Variants in OSBPL5 observed in about 807,000 individuals in gnomAD.
OSBPL5 encodes the protein oxysterol binding protein like 5.
In OSBPL5, 71 loss-of-function variants were observed where a neutral mutation model predicts 111.2. That is an observed-to-expected ratio of 0.64 (90% confidence interval 0.53 to 0.78). The LOEUF (loss-of-function observed/expected upper bound fraction) is 0.78. Ranked by LOEUF, OSBPL5 falls within the 30% of genes least tolerant of loss-of-function variation. OSBPL5 has a pLI of 0.00. For synonymous variants in OSBPL5, 549 were observed against 513.9 expected (o/e 1.07, Z -0.93); for missense variants, 1,210 against 1,189.3 (o/e 1.02, Z -0.26).
chr11:3,131,705 T>TCCATCCAC (rs1554902696), intron 1 of OSBPL5, among the ~76,000 whole-genome samples: 68 of 119,162 alleles, frequency 5.7e-4, no homozygotes, highest in Non-Finnish European at 8.0e-4. Context: ...CATCTATCCA[T>TCCATCCAC]CCATCCATCC....
At chr11:3,122,581 C>T (rs1404525366) in intron 3 of OSBPL5, among the ~76,000 whole-genome samples, 153 bp from the exon 4 acceptor site, 1 of 152,186 alleles carries the variant, frequency 6.6e-6, no homozygotes. Context: ...CCCCCACCAG[C>T]ACTTCCGGGG....
Position 3,120,456 on chromosome 11 carries a change from A to G in OSBPL5, c.571T>C (p.Phe191Leu). 1 of 1,613,278 alleles carries G rather than the reference A, an allele frequency of 6.2e-7. No homozygotes were observed. Among genetic ancestry groups the G allele is most frequent in the Non-Finnish European group, 8.5e-7 (1 of 1,180,002 alleles). Residue 191 changes from phenylalanine to leucine, a missense_variant, in exon 6 of 22, where the codon TTC becomes CTC. Coordinates refer to ENST00000263650, the MANE Select transcript of OSBPL5 (RefSeq NM_020896.4). ...SKKDGFCFKL[F>L]HPLDQSVWAV... Reference sequence around the variant, plus strand: ...CAGACGGACTGATCCAGCGGGTGGAAGAGCTTGAAGCAGAAGCCGTCCTTC... The same window carrying G: ...CAGACGGACTGATCCAGCGGGTGGAGGAGCTTGAAGCAGAAGCCGTCCTTC...
At chr11:3,111,239 A>G (rs1857915448) in intron 7 of OSBPL5, among the ~76,000 whole-genome samples, 1 of 143,178 alleles carries the variant, frequency 7.0e-6, no homozygotes, top group Admixed American at 7.5e-5. Flanking sequence ...CTCTTTTTGG[A>G]GTTTTACTTG....
chr11:3,134,132 CA>C (rs1196169850), intron 1 of OSBPL5, among the ~76,000 whole-genome samples: 1 of 152,218 alleles, frequency 6.6e-6, no homozygotes, highest in African/African-American at 2.4e-5. Flanking sequence ...AAGTCAGCCA[CA>C]ACCCTCTTCT....
chr11:3,122,873 G>A (rs1308062667), intron 3 of OSBPL5, among the ~76,000 whole-genome samples: 11 of 152,308 alleles, frequency 7.2e-5, no homozygotes, highest in East Asian at 3.9e-4. Flanking sequence ...GCTCGGCGGC[G>A]GCCATGAGAT....
chr11:3,120,504 C>G lies in OSBPL5; in HGVS notation c.523G>C (p.Glu175Gln), dbSNP rs34183743. 4 of 1,613,224 alleles carry G rather than the reference C, an allele frequency of 2.5e-6. No individual in the cohort carries two copies. The highest frequency in any genetic ancestry group is 1.6e-4 in the Middle Eastern group (1 of 6,084). ...TTCTTGGAGGGCCGCTCGATGAGCT[C>G]GCAGCAGTGCAGCAGCACCGTGCCC... ...WVGTVLLHCC[E>Q]LIERPSKKDG... is the part of the protein sequence containing the mutation. The change falls in exon 6 of 22, where the codon GAG (glutamate) becomes CAG (glutamine). Residue 175 changes from glutamate to glutamine, a missense_variant. Glu to Gln is a conservative substitution (Grantham distance 29, BLOSUM62 2). Coordinates refer to ENST00000263650, the MANE Select transcript of OSBPL5 (RefSeq NM_020896.4).
rs1361333777 is a variant in OSBPL5, at chr11:3,122,022, A to G, written c.377T>C (p.Val126Ala). Residue 126 changes from valine (V) to alanine (A), a missense_variant, in exon 5 of 22, where the codon GTG becomes GCG. Val to Ala is a moderately conservative substitution (Grantham distance 64). Transcript: ENST00000263650. ...CTTCAGGCTGTCAGCCATGATGACCACGCTGGGGTCTGTCAGAGCGCTGAG... is the reference window on the plus strand; with the variant it reads ...CTTCAGGCTGTCAGCCATGATGACCGCGCTGGGGTCTGTCAGAGCGCTGAG... ...QLLSALTDPS[V>A]VIMADSLKIR... The G allele has an allele frequency of 6.3e-7, 1 of 1,577,690 alleles. No individual in the cohort carries two copies. Among genetic ancestry groups the G allele is most frequent in the Non-Finnish European group, 8.6e-7 (1 of 1,165,914 alleles).
Position 3,113,029 on chromosome 11 carries a change from C to T in OSBPL5, c.692-5084G>A, listed in dbSNP as rs183094137. 1.5e-3 allele frequency among the ~76,000 whole-genome samples: 222 copies of T among 152,120 alleles called. 1 individual carries two copies. The highest frequency in any genetic ancestry group is 3.1e-3 in the African/African-American group (128 of 41,486). On this transcript the variant is annotated intron_variant, in intron 7 of 21. Transcript: ENST00000263650. This position sits in a 1 kb window ranked among gnomAD's most constrained non-coding sequence, Gnocchi z 4.8. ...CTAATATGTCTATGTATTTATGTGTCGTGTACACAATGTTTCACTACTGAA... is the reference window on the plus strand; with the variant it reads ...CTAATATGTCTATGTATTTATGTGTTGTGTACACAATGTTTCACTACTGAA...
intron 3 of OSBPL5, among the ~76,000 whole-genome samples, chr11:3,125,308 T>C (rs1197708865): frequency 6.6e-6 from 1 of 152,114 alleles, no homozygotes; most frequent in Non-Finnish European, 1.5e-5. Flanking sequence ...GGACCTAGTA[T>C]CCAAAATGCA....
intron 1 of OSBPL5, among the ~76,000 whole-genome samples, chr11:3,164,994 C>A (rs1278395242): frequency 1.3e-5 from 2 of 151,278 alleles, no homozygotes; most frequent in African/African-American, 4.8e-5. Flanking sequence ...CCCAGGCTCC[C>A]GCGCTCCCCA....
chr11:3,093,075 G>T (rs1215018126), intron 17 of OSBPL5, 23 bp from the exon 18 acceptor site: 1 of 1,529,296 alleles, frequency 6.5e-7, no homozygotes, highest in South Asian at 1.2e-5. Flanking sequence ...GACCCATCCT[G>T]AGCCAGTGGC....
rs115874192 is a variant in OSBPL5 at position 3,140,161 on chromosome 11, C to A, written c.-21-10992G>T. Among the ~76,000 whole-genome samples the A allele has an allele frequency of 6.6e-6, 1 of 152,218 alleles. No individual in the cohort carries two copies. The highest frequency in any genetic ancestry group is 2.4e-5 in the African/African-American group (1 of 41,452). ...GTCCCCCAAATTGCAGCCACCATCT[C>A]GGGCTGTATTAACAGAGGTTGAGTC... On this transcript the variant is annotated intron_variant, in intron 1 of 21. Transcript: ENST00000263650. This position sits in a 1 kb window ranked among gnomAD's most constrained non-coding sequence, Gnocchi z 4.5.
Position 3,088,053 on chromosome 11 carries a change from C to CT in OSBPL5, c.*151_*152insA. ...GGGCCCAGCACACCTGGGCCCGCAG[C>CT]GCCTTGTGGCCCCGGGTCCCTCCTG... is the stretch of plus-strand genomic sequence containing the variant. On this transcript the variant is annotated 3_prime_UTR_variant, in exon 22 of 22. Coordinates refer to ENST00000263650, the MANE Select transcript of OSBPL5 (RefSeq NM_020896.4). 1.7e-6 allele frequency: 1 copy of CT among 601,492 alleles called. No homozygotes were observed. The highest frequency in any genetic ancestry group is 2.5e-6 in the Non-Finnish European group (1 of 397,900). The allele number at this position is 601,492 out of a possible 1,614,324, so 37.3% of individuals were successfully genotyped here.
rs751007472 is a variant in OSBPL5 at position 3,092,348 on chromosome 11, G to A, written c.2259+84C>T. ...TGAGGGAAACGGAGCGAGGGGAAGG[G>A]AGGAGTGAGGTGAGGAGCGAGGGGT... On this transcript the variant is annotated intron_variant, in intron 19 of 21. Transcript: ENST00000263650. This position sits in a 1 kb window ranked among gnomAD's most constrained non-coding sequence, Gnocchi z 5.4. The A allele has an allele frequency of 1.7e-5, 24 of 1,447,826 alleles. No individual in the cohort carries two copies. The highest frequency in any genetic ancestry group is 2.1e-5 in the Non-Finnish European group (23 of 1,092,316). The allele number at this position is 1,447,826 out of a possible 1,614,324, so 89.7% of individuals were successfully genotyped here. A position where few individuals can be genotyped will look rare whatever the true frequency, so the allele number is the denominator to read the frequency against.
At chr11:3,123,463 G>A (rs888624286) in intron 3 of OSBPL5, among the ~76,000 whole-genome samples, 13 of 152,254 alleles carry the variant, frequency 8.5e-5, no homozygotes, top group South Asian at 2.1e-4. Context: ...TCCGGCAGGC[G>A]TTGTCTGTGG....
chr11:3,102,057 T>C, intron 12 of OSBPL5, 126 bp downstream of exon 12: 1 of 917,182 alleles, frequency 1.1e-6, no homozygotes, highest in Non-Finnish European at 1.7e-6. Context: ...GTGCAGGATG[T>C]GGGGTCCCCT....
At position 3,092,991 on chromosome 11, in the gene OSBPL5, TCTC is replaced by T; in HGVS notation, c.2005_2007del (p.Glu669del). 6.2e-7 allele frequency: 1 copy of T among 1,606,046 alleles called. No homozygotes were observed. Among genetic ancestry groups the T allele is most frequent in the Non-Finnish European group, 8.5e-7 (1 of 1,177,754 alleles). Reference sequence around the variant, plus strand: ...CGCTGTGCCTCCTCCAGTGCAAACTTCTCCTGTGTGGCCCTGTGCTGGTCGCCC... The same window carrying T: ...CGCTGTGCCTCCTCCAGTGCAAACTTCTGTGTGGCCCTGTGCTGGTCGCCC... On this transcript the variant is annotated inframe_deletion, in exon 18 of 22. Transcript: ENST00000263650. This position sits in a 1 kb window ranked among gnomAD's most constrained non-coding sequence, Gnocchi z 5.4.
rs1370473607 is a variant in OSBPL5, at chr11:3,106,094, C to A, written c.1059+1169G>T. On this transcript the variant is annotated intron_variant, in intron 9 of 21. Coordinates refer to ENST00000263650, the MANE Select transcript of OSBPL5 (RefSeq NM_020896.4). The surrounding 1 kb of genome is among the most constrained non-coding windows in gnomAD (Gnocchi z 8.4). ...GGGCCCTCGGTCCACTCCCCATAGG[C>A]CCATCCTAACCTTCCCATCCCCGCA... Among the ~76,000 whole-genome samples the A allele has an allele frequency of 6.6e-6, 1 of 152,100 alleles. No homozygotes were observed. Among genetic ancestry groups the A allele is most frequent in the Non-Finnish European group, 1.5e-5 (1 of 68,008 alleles).
intron 17 of OSBPL5, 33 bp from the exon 18 acceptor site, chr11:3,093,085 C>A (rs776929909): frequency 6.7e-7 from 1 of 1,486,326 alleles, no homozygotes; most frequent in Non-Finnish European, 9.0e-7. Flanking sequence ...GAGCCAGTGG[C>A]CCGGGCAGCC....
Sources: allele counts gnomAD v4.1 joint callset (sites outside exome capture counted in the v4.1 genomes callset), GRCh38; gene constraint gnomAD v4.1.1; non-coding constraint Gnocchi (gnomAD v3.1); transcripts MANE v1.5; gene names NCBI Gene and HGNC (gene_info 2026-07-23, HGNC 2026-07-21).